LRIF1: variants seen among roughly 807,000 people sequenced by gnomAD.
LRIF1 encodes ligand dependent nuclear receptor interacting factor 1.
Under a neutral mutation model 52.7 loss-of-function variants are expected in LRIF1, and 32 were observed. The ratio of observed to expected loss-of-function variants is 0.61; its 90% CI spans 0.46 to 0.82. The LOEUF (loss-of-function observed/expected upper bound fraction) is 0.82. Ranked by LOEUF, LRIF1 falls within the 40% of genes least tolerant of loss-of-function variation. The pLI is 0.00. For missense variants in LRIF1, 887 were observed against 892.0 expected, an observed-to-expected ratio of 0.99 and a Z score of 0.07; for synonymous variants, 323 against 317.4, an observed-to-expected ratio of 1.02 and a Z score of -0.19.
the LRIF1 span, among the ~76,000 whole-genome samples, chr1:110,919,372 C>G: frequency 6.6e-6 from 1 of 152,296 alleles, no homozygotes; most frequent in South Asian, 2.1e-4. Flanking sequence ...AGTCTTCCAG[C>G]CTGCATCTTT....
chr1:110,953,353 G>C (rs1199811726), intron 1 of LRIF1, among the ~76,000 whole-genome samples: 1 of 152,138 alleles, frequency 6.6e-6, no homozygotes, highest in Non-Finnish European at 1.5e-5. Context: ...TTGTGCTATA[G>C]ATTTCACTGA....
rs764672841 is a variant in LRIF1 at position 110,951,966 on chromosome 1, A to T, written c.918T>A (p.Pro306=). ...AAGCCACATTATTTGAAGACTTAACAGGAACAAGAGATGGCGTAAAAGGCT... is the reference window on the plus strand; with the variant it reads ...AAGCCACATTATTTGAAGACTTAACTGGAACAAGAGATGGCGTAAAAGGCT... ...NLQPFTPSLV[P]VKSSNNVASK... is the part of the protein sequence containing the mutation. Residue 306 remains proline (P), a synonymous_variant, in exon 2 of 4, where the codon CCT becomes CCA. Transcript: ENST00000369763. The T allele has an allele frequency of 6.2e-7, 1 of 1,614,156 alleles. No homozygotes were observed. Among genetic ancestry groups the T allele is most frequent in the South Asian group, 1.1e-5 (1 of 91,062 alleles).
chr1:110,906,256 A>C, the LRIF1 span, among the ~76,000 whole-genome samples: 1 of 152,342 alleles, frequency 6.6e-6, no homozygotes, highest in African/African-American at 2.4e-5. Flanking sequence ...CATAAAATAA[A>C]AAAGAGACAA....
the LRIF1 span, among the ~76,000 whole-genome samples, chr1:110,881,417 G>A: frequency 6.6e-6 from 1 of 152,172 alleles, no homozygotes; most frequent in Non-Finnish European, 1.5e-5. Flanking sequence ...CACCTGTGCT[G>A]TAGAGGGTAA....
the LRIF1 span, among the ~76,000 whole-genome samples, chr1:110,927,494 T>C: frequency 7.9e-5 from 12 of 152,130 alleles, no homozygotes; most frequent in Non-Finnish European, 1.8e-4. Context: ...TCTCTGACAT[T>C]AATGGTATGG....
chr1:110,899,459 G>C, the LRIF1 span: 14 of 352,896 alleles, frequency 4.0e-5, no homozygotes, highest in Admixed American at 5.9e-4. Flanking sequence ...TTAGACAAGA[G>C]AGGCAAAGAC....
At position 110,951,894 on chromosome 1, in the gene LRIF1, A is replaced by G; in HGVS notation, c.990T>C (p.Asn330=). Residue 330 remains asparagine, a synonymous_variant, in exon 2 of 4, where the codon AAT becomes AAC. Coordinates refer to ENST00000369763, the MANE Select transcript of LRIF1 (RefSeq NM_018372.4). The stretch of plus-strand genomic sequence containing the variant: ...TACTCAATGGTGGCATATTTATAGT[A>G]TTATCTCCCAAATTTTTCCTATCTA... The part of the protein sequence containing the change: ...TFVDRKNLGD[N]TINMPPLSTI... 1 of 1,614,002 alleles carries G rather than the reference A, an allele frequency of 6.2e-7. No individual in the cohort carries two copies. The highest frequency in any genetic ancestry group is 8.5e-7 in the Non-Finnish European group (1 of 1,179,968).
Position 110,951,594 on chromosome 1 carries a change from G to C in LRIF1, c.1290C>G (p.Ser430=). 1.2e-6 allele frequency: 2 copies of C among 1,614,068 alleles called. No homozygotes were observed. Among genetic ancestry groups the C allele is most frequent in the Non-Finnish European group, 1.7e-6 (2 of 1,180,006 alleles). Residue 430 remains serine (S), a synonymous_variant, in exon 2 of 4, where the codon TCC becomes TCG. Coordinates refer to ENST00000369763, the MANE Select transcript of LRIF1 (RefSeq NM_018372.4). ...KSSQMETKSL[S]NTQLASMANL... ...TGGCCATGGAAGCAAGCTGGGTATT[G>C]GAAAGTGATTTTGTCTCCATCTGGG...
At chr1:110,918,831 A>G in the LRIF1 span, among the ~76,000 whole-genome samples, 3 of 152,158 alleles carry the variant, frequency 2.0e-5, no homozygotes, top group African/African-American at 7.2e-5. Flanking sequence ...ACTGGACACT[A>G]AAGAACTACA....
At chr1:110,927,847 C>T in the LRIF1 span, among the ~76,000 whole-genome samples, 1 of 152,070 alleles carries the variant, frequency 6.6e-6, no homozygotes, top group Non-Finnish European at 1.5e-5. Flanking sequence ...TTAAAAAATA[C>T]ATAATAAGCA....
chr1:110,922,678 A>G, the LRIF1 span, among the ~76,000 whole-genome samples: 1 of 152,246 alleles, frequency 6.6e-6, no homozygotes, highest in Non-Finnish European at 1.5e-5. Context: ...TTCTATTGCT[A>G]CTGTAACAAA....
intron 1 of LRIF1, among the ~76,000 whole-genome samples, chr1:110,955,628 G>A (rs1658664482): frequency 6.6e-6 from 1 of 152,200 alleles, no homozygotes; most frequent in Non-Finnish European, 1.5e-5. Context: ...ACAGTGCTGT[G>A]AAGATCACTG....
At chr1:110,908,311 G>A in the LRIF1 span, among the ~76,000 whole-genome samples, 1 of 152,194 alleles carries the variant, frequency 6.6e-6, no homozygotes, top group African/African-American at 2.4e-5. Flanking sequence ...AGGTGAGAAA[G>A]TGCGAGTGCA....
downstream of LRIF1, chr1:110,944,307 C>T (rs1485393752): frequency 6.6e-6 from 1 of 152,180 alleles, no homozygotes; most frequent in East Asian, 1.9e-4. Flanking sequence ...ATGAGAAAAC[C>T]TGTGGGTGCA....
chr1:110,936,385 C>G, the LRIF1 span: 1 of 152,032 alleles, frequency 6.6e-6, no homozygotes, highest in African/African-American at 2.4e-5. Context: ...ATAGCAATAA[C>G]TTTTAATGAC....
At chr1:110,884,723 G>A in the LRIF1 span, among the ~76,000 whole-genome samples, 1 of 151,746 alleles carries the variant, frequency 6.6e-6, no homozygotes, top group African/African-American at 2.4e-5. Flanking sequence ...AATTTTTTCT[G>A]TAATAGTGTT....
the LRIF1 span, among the ~76,000 whole-genome samples, chr1:110,898,576 G>A: frequency 2.0e-5 from 3 of 151,984 alleles, no homozygotes; most frequent in African/African-American, 7.2e-5. Flanking sequence ...GGCTGATGAC[G>A]AAAATTGTAA....
chr1:110,920,221 TTC>T, the LRIF1 span, among the ~76,000 whole-genome samples: 1 of 152,210 alleles, frequency 6.6e-6, no homozygotes, highest in South Asian at 2.1e-4. Context: ...AAAACCTATG[TTC>T]ATACAGAAAC....
chr1:110,924,329 T>TA, the LRIF1 span, among the ~76,000 whole-genome samples: 2 of 152,234 alleles, frequency 1.3e-5, no homozygotes, highest in East Asian at 1.9e-4. Flanking sequence ...AACTCCAGAC[T>TA]AAAAAAAGAG....
Sources: allele counts gnomAD v4.1 joint callset (sites outside exome capture counted in the v4.1 genomes callset), GRCh38; gene constraint gnomAD v4.1.1; transcripts MANE v1.5; gene names NCBI Gene and HGNC (gene_info 2026-07-23, HGNC 2026-07-21).